Variants in MGAT5 observed in about 807,000 individuals in gnomAD.
The protein encoded by MGAT5 is alpha-1,6-mannosylglycoprotein 6-beta-N-acetylglucosaminyltransferase.
In MGAT5, 30 loss-of-function variants were observed where a neutral mutation model predicts 94.3. The ratio of observed to expected loss-of-function variants is 0.32; its 90% CI spans 0.24 to 0.43. The LOEUF (loss-of-function observed/expected upper bound fraction) is 0.43. Among genes scored for constraint, MGAT5 ranks in the 20% least tolerant of loss-of-function variants. The probability of loss-of-function intolerance (pLI) is 1.00; values close to 1 mark genes in which losing one functional copy is unlikely to be tolerated. For missense variants in MGAT5, 691 were observed against 905.5 expected (o/e 0.76, Z 3.04); for synonymous variants, 310 against 322.9 (o/e 0.96, Z 0.43).
intron 9 of MGAT5, among the ~76,000 whole-genome samples, chr2:134,357,163 A>T (rs1408046573): frequency 6.6e-6 from 1 of 152,204 alleles, no homozygotes; most frequent in Non-Finnish European, 1.5e-5. Flanking sequence ...ATTGCCTATT[A>T]TGTTTTTAAT....
At chr2:134,198,823 A>G (rs1212919270) in intron 1 of MGAT5, among the ~76,000 whole-genome samples, 2 of 152,160 alleles carry the variant, frequency 1.3e-5, no homozygotes, top group African/African-American at 4.8e-5. Flanking sequence ...TAACTGCATC[A>G]TGTTTCCCTT....
At chr2:134,178,737 C>T (rs1352435688) in intron 1 of MGAT5, among the ~76,000 whole-genome samples, 1 of 152,168 alleles carries the variant, frequency 6.6e-6, no homozygotes, top group Non-Finnish European at 1.5e-5. Context: ...TGATTCCCTT[C>T]CCCCGTGCCA....
intron 2 of MGAT5, among the ~76,000 whole-genome samples, chr2:134,278,650 C>G (rs1684520372): frequency 1.3e-5 from 2 of 152,198 alleles, no homozygotes; most frequent in South Asian, 4.1e-4. Context: ...AAGCTTTTCT[C>G]TCCCTGAGTG....
At chr2:134,272,325 G>A (rs1319997065) in intron 2 of MGAT5, among the ~76,000 whole-genome samples, 2 of 151,920 alleles carry the variant, frequency 1.3e-5, no homozygotes, top group Non-Finnish European at 2.9e-5. Context: ...TGCCACTGGT[G>A]CTGTGTTTTT....
intron 1 of MGAT5, among the ~76,000 whole-genome samples, chr2:134,172,950 C>T (rs1688288106): frequency 6.6e-6 from 1 of 152,126 alleles, no homozygotes; most frequent in Admixed American, 6.5e-5. Flanking sequence ...AAAAACACCC[C>T]AGCATCCCAC....
chr2:134,365,224 G>A (rs1680350411), intron 10 of MGAT5, among the ~76,000 whole-genome samples: 1 of 152,134 alleles, frequency 6.6e-6, no homozygotes, highest in East Asian at 1.9e-4. Flanking sequence ...CATAAATCCT[G>A]CTTCACTCTT....
At chr2:134,205,112 G>A (rs546988873) in intron 1 of MGAT5, among the ~76,000 whole-genome samples, 1 of 152,218 alleles carries the variant, frequency 6.6e-6, no homozygotes, top group Admixed American at 6.5e-5. Context: ...TGCATGGCAT[G>A]TGAGTAAGAA....
intron 1 of MGAT5, among the ~76,000 whole-genome samples, chr2:134,196,791 A>T (rs578161294): frequency 6.6e-6 from 1 of 152,284 alleles, no homozygotes; most frequent in East Asian, 1.9e-4. Flanking sequence ...AGTGTATTTT[A>T]TGTGTGGCCC....
intron 1 of MGAT5, among the ~76,000 whole-genome samples, chr2:134,181,046 A>T (rs1287052607): frequency 6.6e-6 from 1 of 152,342 alleles, no homozygotes; most frequent in African/African-American, 2.4e-5. Context: ...ATAGATATAC[A>T]TGTTAAGAAT....
Position 134,151,471 on chromosome 2 carries a change from C to A in MGAT5, c.-143+31180C>A, listed in dbSNP as rs183359098. ...TCACTCACTCACGCCCTATGGGAGC[C>A]GCCCACTGCCATGGGACCTCACTCA... is the stretch of plus-strand genomic sequence containing the variant. On this transcript the variant is annotated intron_variant, in intron 1 of 16. Coordinates refer to the MGAT5 transcript ENST00000409645. Among the ~76,000 whole-genome samples, 434 of 145,180 alleles carry A rather than the reference C, an allele frequency of 3.0e-3. 8 individuals are homozygous for A. The highest frequency in any genetic ancestry group is 0.01 in the African/African-American group (385 of 37,936).
chr2:134,411,612 T>C (rs968943610), intron 11 of MGAT5, among the ~76,000 whole-genome samples: 1 of 152,248 alleles, frequency 6.6e-6, no homozygotes, highest in African/African-American at 2.4e-5. Flanking sequence ...ATGTCACCCA[T>C]GGGCTGTGCT....
chr2:134,214,804 C>T (rs1680384856), intron 1 of MGAT5, among the ~76,000 whole-genome samples: 2 of 151,962 alleles, frequency 1.3e-5, no homozygotes. Flanking sequence ...CAAACCAGTA[C>T]CCTTGATTTT....
rs35795776 is a variant in MGAT5, at chr2:134,217,238, GGTGTGTGTGTGTGTGT to G, written c.-142-37007_-142-36992del. On this transcript the variant is annotated intron_variant, in intron 1 of 16. Transcript: ENST00000409645. ...GAGTGGGGTCTGAGGGAGAGAGAGT[GGTGTGTGTGTGTGTGT>G]GTGTGTGTGTGTGTGTAAAATATAC... 2.3e-3 allele frequency among the ~76,000 whole-genome samples: 335 copies of G among 145,224 alleles called. 1 individual carries two copies. The highest frequency in any genetic ancestry group is 8.3e-3 in the African/African-American group (320 of 38,444).
At chr2:134,429,365 C>T (rs1206972051) in intron 14 of MGAT5, among the ~76,000 whole-genome samples, 1 of 152,190 alleles carries the variant, frequency 6.6e-6, no homozygotes, top group Non-Finnish European at 1.5e-5. Flanking sequence ...TCATATACTT[C>T]GGGGTGGTGT....
intron 4 of MGAT5, among the ~76,000 whole-genome samples, chr2:134,332,283 A>C (rs1215942274): frequency 2.6e-5 from 4 of 151,448 alleles, no homozygotes; most frequent in Admixed American, 2.0e-4. Context: ...AAATAATGCC[A>C]CATATCTACA....
chr2:134,127,812 G>A (rs1053612317), intron 1 of MGAT5, among the ~76,000 whole-genome samples: 4 of 152,134 alleles, frequency 2.6e-5, no homozygotes, highest in Admixed American at 6.5e-5. Context: ...GTGTGCCTGC[G>A]TGGCTGGGTT....
intron 12 of MGAT5, among the ~76,000 whole-genome samples, chr2:134,414,594 A>G (rs991017799): frequency 4.0e-5 from 6 of 150,150 alleles, no homozygotes; most frequent in African/African-American, 1.2e-4. Context: ...ATCACCTTAC[A>G]TATTAAATAG....
At chr2:134,157,626 A>G (rs1687537227) in intron 1 of MGAT5, among the ~76,000 whole-genome samples, 2 of 152,106 alleles carry the variant, frequency 1.3e-5, no homozygotes, top group African/African-American at 4.8e-5. Context: ...AGTACGTTAC[A>G]TCTATTGTGT....
intron 1 of MGAT5, among the ~76,000 whole-genome samples, chr2:134,145,640 G>C (rs1182477346): frequency 1.3e-5 from 2 of 152,254 alleles, no homozygotes; most frequent in Admixed American, 1.3e-4. Context: ...AGGAAAAAGA[G>C]TGAGGCCCTG....
Sources: gnomAD v4.1 joint callset for allele counts (sites outside exome capture counted in the v4.1 genomes callset) on GRCh38, gnomAD v4.1.1 for gene constraint, MANE v1.5 for transcripts, NCBI Gene and HGNC (gene_info 2026-07-23, HGNC 2026-07-21) for gene names.